The following KIFBP variants were observed in gnomAD, a reference collection of about 807,000 sequenced individuals.
KIFBP encodes the protein KIF-binding protein.
KIFBP carries 46 observed loss-of-function variants against 58.9 expected under a neutral mutation model. That is an observed-to-expected ratio of 0.78 (90% CI 0.62 to 1.00). The LOEUF is 1.00. KIFBP is among the 50% of genes least tolerant of loss of function. The pLI is 0.00. For missense variants in KIFBP, 651 were observed against 752.9 expected, an observed-to-expected ratio of 0.86 and a Z score of 1.58; for synonymous variants, 241 against 283.4, an observed-to-expected ratio of 0.85 and a Z score of 1.50.
Position 69,015,728 on chromosome 10 carries a change from G to A in KIFBP, c.1178G>A (p.Arg393Lys), listed in dbSNP as rs1247087961. Residue 393 changes from arginine to lysine, a missense_variant, in exon 7 of 7, where the codon AGA (arginine) becomes AAA (lysine). Coordinates refer to ENST00000361983, the MANE Select transcript of KIFBP (RefSeq NM_015634.4). ...YLRPLDFEEA[R>K]ELFLLGQHYV... ...AGACCTTTAGATTTTGAAGAAGCCAGAGAACTTTTCTTATTGGGTCAGCAC... is the reference window on the plus strand; with the variant it reads ...AGACCTTTAGATTTTGAAGAAGCCAAAGAACTTTTCTTATTGGGTCAGCAC... 2.5e-6 allele frequency: 4 copies of A among 1,614,200 alleles called. No individual in the cohort carries two copies. The highest frequency in any genetic ancestry group is 2.5e-6 in the Non-Finnish European group (3 of 1,180,038).
intron 4 of KIFBP, chr10:69,007,032 A>T (rs12779481): frequency 1.3e-5 from 2 of 152,196 alleles, no homozygotes; most frequent in Admixed American, 1.3e-4. Flanking sequence ...TCCGCTTGTG[A>T]CATCTTTTTT....
At chr10:69,005,006 G>T (rs1843515648) in intron 2 of KIFBP, 40 bp from the exon 3 acceptor site, 1 of 1,488,120 alleles carries the variant, frequency 6.7e-7, no homozygotes, top group African/African-American at 1.4e-5. Flanking sequence ...GGTGTTTACA[G>T]TTTAAAACTT....
chr10:68,993,460 A>G (rs563733517), intron 1 of KIFBP, among the ~76,000 whole-genome samples: 21 of 152,294 alleles, frequency 1.4e-4, no homozygotes, highest in Non-Finnish European at 2.6e-4. Flanking sequence ...TTTTAAATAT[A>G]CAGGGACCAT....
At chr10:68,999,672 T>C (rs1008017318) in intron 1 of KIFBP, 1 of 152,270 alleles carries the variant, frequency 6.6e-6, no homozygotes, top group Non-Finnish European at 1.5e-5. Flanking sequence ...GGCCTCAGAC[T>C]GTTGACCTCT....
chr10:69,009,021 A>G (rs1843565177), intron 5 of KIFBP, 96 bp downstream of exon 5: 2 of 924,820 alleles, frequency 2.2e-6, no homozygotes, highest in Non-Finnish European at 3.5e-6. Context: ...CAGAAGAGCT[A>G]TCATATGCCC....
At chr10:68,989,888 G>A (rs79521970) in intron 1 of KIFBP, 12,125 of 152,998 alleles carry the variant, frequency 0.079, 663 homozygotes, top group African/African-American at 0.15. Context: ...TGTAGAGATG[G>A]GGGTCTCACT....
intron 3 of KIFBP, 71 bp from the exon 4 acceptor site, chr10:69,005,661 A>G: frequency 8.3e-7 from 1 of 1,206,490 alleles, no homozygotes; most frequent in Non-Finnish European, 1.2e-6. Context: ...CAACAGAGCG[A>G]GACTCTGTCT....
chr10:69,015,439 A>C (rs1378885092), intron 6 of KIFBP, 102 bp from the exon 7 acceptor site: 2 of 1,138,346 alleles, frequency 1.8e-6, no homozygotes, highest in African/African-American at 3.1e-5. Context: ...GCTGGAAAGT[A>C]AGAGACTTCT....
chr10:69,004,825 T>C (rs1274546805), intron 2 of KIFBP, among the ~76,000 whole-genome samples: 4 of 152,114 alleles, frequency 2.6e-5, no homozygotes, highest in Non-Finnish European at 5.9e-5. Flanking sequence ...TAAGCCGAGA[T>C]TGTGCCACTC....
At position 68,998,258 on chromosome 10, in the gene KIFBP, T is replaced by C. The variant is rs1843427662; in HGVS notation, c.427-2166T>C. Among the ~76,000 whole-genome samples the C allele has an allele frequency of 2.6e-5, 4 of 152,164 alleles. No individual in the cohort carries two copies. The South Asian group carries it at 6.2e-4, about 24-fold the overall frequency. On this transcript the variant is annotated intron_variant, in intron 1 of 6. Coordinates refer to ENST00000361983, the MANE Select transcript of KIFBP (RefSeq NM_015634.4). ...GAGCCATTGCACCCAGCCCAAAAGA[T>C]TTTTAAAACAAAATGTGTGATATAG...
intron 1 of KIFBP, among the ~76,000 whole-genome samples, chr10:68,992,553 T>C (rs1023709667): frequency 5.3e-5 from 8 of 152,234 alleles, no homozygotes; most frequent in Admixed American, 1.3e-4. Context: ...GGAATTTTTT[T>C]GTAAATGGTT....
rs1233563985 is a variant in KIFBP at position 69,016,126 on chromosome 10, G to T, written c.1576G>T (p.Asp526Tyr). Reference sequence around the variant, plus strand: ...CCAGCTCTTCTTAGACTCCCTGAGAGACCCAAATAAAGTATTCCCTGAGCA... The same window carrying T: ...CCAGCTCTTCTTAGACTCCCTGAGATACCCAAATAAAGTATTCCCTGAGCA... ...YYQLFLDSLR[D>Y]PNKVFPEHIG... is the part of the protein sequence containing the mutation. Residue 526 changes from aspartate to tyrosine, a missense_variant, in exon 7 of 7, where the codon GAC becomes TAC. Coordinates refer to ENST00000361983, the MANE Select transcript of KIFBP (RefSeq NM_015634.4). 5 of 1,614,180 alleles carry T rather than the reference G, an allele frequency of 3.1e-6. No homozygotes were observed. The highest frequency in any genetic ancestry group is 4.2e-6 in the Non-Finnish European group (5 of 1,180,034).
At chr10:69,014,957 C>CTG (rs768849328) in intron 6 of KIFBP, among the ~76,000 whole-genome samples, 11 of 152,124 alleles carry the variant, frequency 7.2e-5, no homozygotes, top group Non-Finnish European at 1.6e-4. Flanking sequence ...GAGTCTTGCA[C>CTG]TGTCACCCAG....
At chr10:69,012,649 TG>T (rs1400699017) in intron 6 of KIFBP, among the ~76,000 whole-genome samples, 2 of 152,096 alleles carry the variant, frequency 1.3e-5, no homozygotes, top group African/African-American at 4.8e-5. Flanking sequence ...CCCAGCACTT[TG>T]GGAGGCCAAG....
intron 1 of KIFBP, among the ~76,000 whole-genome samples, chr10:68,992,140 C>T (rs1352741847): frequency 6.6e-6 from 1 of 152,000 alleles, no homozygotes; most frequent in Non-Finnish European, 1.5e-5. Flanking sequence ...ACCACAGGTG[C>T]CTGCCACCAT....
chr10:68,998,727 C>CTACATACA (rs1195651214), intron 1 of KIFBP, among the ~76,000 whole-genome samples: 3 of 140,062 alleles, frequency 2.1e-5, no homozygotes, highest in Non-Finnish European at 3.1e-5. Flanking sequence ...ACTAACCCCA[C>CTACATACA]TACATACATA....
At chr10:69,008,389 AAAAT>A (rs1174741693) in intron 4 of KIFBP, among the ~76,000 whole-genome samples, 6 of 56,584 alleles carry the variant, frequency 1.1e-4, no homozygotes, top group African/African-American at 4.3e-4. Context: ...AAAAAAAAAA[AAAAT>A]ATATATATAT....
At position 69,016,940 on chromosome 10, in the gene KIFBP, C is replaced by G. The variant is rs1158409297; in HGVS notation, c.*524C>G. ...TGTCTTAATTATAGGAGAAAAAGGC[C>G]TTGTTAGAAATAAAATAAACTGACT... On this transcript the variant is annotated 3_prime_UTR_variant, in exon 7 of 7. Coordinates refer to ENST00000361983, the MANE Select transcript of KIFBP (RefSeq NM_015634.4). 1 of 152,654 alleles carries G rather than the reference C, an allele frequency of 6.6e-6. No homozygotes were observed. Among genetic ancestry groups the G allele is most frequent in the African/African-American group, 2.4e-5 (1 of 41,350 alleles). The allele number at this position is 152,654 out of a possible 1,614,324, so 9.5% of individuals were successfully genotyped here.
intron 6 of KIFBP, among the ~76,000 whole-genome samples, chr10:69,015,113 A>G (rs1462383404): frequency 6.6e-6 from 1 of 152,110 alleles, no homozygotes; most frequent in Non-Finnish European, 1.5e-5. Flanking sequence ...TAGTAGAGAC[A>G]GAGTTTCACT....
Sources: gnomAD v4.1 joint callset for allele counts (sites outside exome capture counted in the v4.1 genomes callset) on GRCh38, gnomAD v4.1.1 for gene constraint, MANE v1.5 for transcripts, NCBI Gene and HGNC (gene_info 2026-07-23, HGNC 2026-07-21) for gene names.